Variants in STUM observed in about 807,000 individuals in gnomAD.
STUM encodes protein stum homolog.
A neutral mutation model predicts 15.3 loss-of-function variants in STUM; 8 were observed. That is an observed-to-expected ratio of 0.52 (90% CI 0.31 to 0.94). The LOEUF is 0.94. Among genes scored for constraint, STUM ranks in the 40% least tolerant of loss-of-function variants. The pLI, the probability that STUM is intolerant of heterozygous loss-of-function variation, is 0.05. For missense variants in STUM, 142 were observed against 204.9 expected (o/e 0.69, Z 1.87); for synonymous variants, 78 against 88.7 (o/e 0.88, Z 0.68).
Position 226,587,718 on chromosome 1 carries a change from T to C in STUM, c.203-9084T>C, listed in dbSNP as rs115645818. Among the ~76,000 whole-genome samples the C allele has an allele frequency of 9.6e-3, 1,464 of 152,242 alleles. 24 individuals are homozygous for C. The highest frequency in any genetic ancestry group is 0.033 in the African/African-American group (1,351 of 41,522). ...AAGGGAGAAGTGGTTCAAGATGCCATACACCTTCTCTCTGCTGGGAGACAG... is the reference window on the plus strand; with the variant it reads ...AAGGGAGAAGTGGTTCAAGATGCCACACACCTTCTCTCTGCTGGGAGACAG... On this transcript the variant is annotated intron_variant, in intron 1 of 3. Coordinates refer to ENST00000366788, the MANE Select transcript of STUM (RefSeq NM_001003665.4).
At chr1:226,566,799 A>G (rs1200510322) in intron 1 of STUM, among the ~76,000 whole-genome samples, 1 of 152,178 alleles carries the variant, frequency 6.6e-6, no homozygotes, top group Non-Finnish European at 1.5e-5. Context: ...GAAGGAACAG[A>G]TTTTAGATTT....
chr1:226,562,165 G>A (rs1667551308), intron 1 of STUM, among the ~76,000 whole-genome samples: 2 of 152,132 alleles, frequency 1.3e-5, no homozygotes, highest in African/African-American at 2.4e-5. Context: ...GGTGAATTTT[G>A]TGATATGAAC....
At chr1:226,597,019 G>T (rs546995692) in intron 2 of STUM, 38 bp downstream of exon 2, 1 of 1,598,254 alleles carries the variant, frequency 6.3e-7, no homozygotes, top group African/African-American at 1.3e-5. Flanking sequence ...TGGGGGTGGG[G>T]AGTGGCCAGG....
intron 1 of STUM, among the ~76,000 whole-genome samples, chr1:226,554,951 C>T (rs1032086722): frequency 7.2e-5 from 11 of 152,136 alleles, no homozygotes; most frequent in Admixed American, 7.2e-4. Context: ...TTGTCAGGGT[C>T]GCCAGTCTCC....
intron 1 of STUM, among the ~76,000 whole-genome samples, chr1:226,559,236 A>C (rs2102687506): frequency 6.6e-6 from 1 of 152,336 alleles, no homozygotes; most frequent in South Asian, 2.1e-4. Flanking sequence ...CCTGAGGCCA[A>C]GAGCAATTTG....
At chr1:226,597,055 A>C in intron 2 of STUM, 74 bp downstream of exon 2, 2 of 1,417,130 alleles carry the variant, frequency 1.4e-6, no homozygotes, top group Non-Finnish European at 2.0e-6. Flanking sequence ...GGAGACCTTC[A>C]TGTCTGGCCG....
intron 1 of STUM, among the ~76,000 whole-genome samples, chr1:226,577,809 G>C (rs370049755): frequency 3.2e-4 from 42 of 130,438 alleles, no homozygotes; most frequent in African/African-American, 1.1e-3. Flanking sequence ...TTGTTCTGTG[G>C]GGGGGATGGT....
chr1:226,558,409 C>A (rs1042859820), intron 1 of STUM, among the ~76,000 whole-genome samples: 5 of 152,054 alleles, frequency 3.3e-5, no homozygotes, highest in Admixed American at 2.0e-4. Flanking sequence ...GCACTTCCAC[C>A]TTTTTTCAGT....
At position 226,607,791 on chromosome 1, in the gene STUM, A is replaced by G. The variant is rs2102720209; in HGVS notation, c.*5751A>G. ...TCTGCCTGAATTTGCCAAAATGCCAACCATCCGGGCAGGTGTGGATGCCAC... is the reference window on the plus strand; with the variant it reads ...TCTGCCTGAATTTGCCAAAATGCCAGCCATCCGGGCAGGTGTGGATGCCAC... On this transcript the variant is annotated 3_prime_UTR_variant, in exon 4 of 4. Coordinates refer to ENST00000366788, the MANE Select transcript of STUM (RefSeq NM_001003665.4). The G allele has an allele frequency of 6.6e-6, 1 of 152,332 alleles. No homozygotes were observed. Among genetic ancestry groups the G allele is most frequent in the East Asian group, 1.9e-4 (1 of 5,182 alleles). The allele number at this position is 152,332 out of a possible 1,614,324, so 9.4% of individuals were successfully genotyped here.
At chr1:226,575,162 C>T (rs749364713) in intron 1 of STUM, among the ~76,000 whole-genome samples, 1 of 152,172 alleles carries the variant, frequency 6.6e-6, no homozygotes, top group Non-Finnish European at 1.5e-5. Context: ...CTCAGGCAGT[C>T]GGGTACCAGG....
At position 226,552,618 on chromosome 1, in the gene STUM, T is replaced by A. The variant is rs1667390142; in HGVS notation, c.202+3512T>A. On this transcript the variant is annotated intron_variant, in intron 1 of 3. Transcript: ENST00000366788. The surrounding 1 kb of genome is among the most constrained non-coding windows in gnomAD (Gnocchi z 4.7). ...AAGGGAGGAGGACCTCCATTGACCT[T>A]TAACCACTCCATTGGACTCAGGACA... Among the ~76,000 whole-genome samples the A allele has an allele frequency of 6.6e-6, 1 of 152,192 alleles. No homozygotes were observed. Among genetic ancestry groups the A allele is most frequent in the Non-Finnish European group, 1.5e-5 (1 of 68,038 alleles).
chr1:226,582,873 G>C (rs974186642), intron 1 of STUM, among the ~76,000 whole-genome samples: 2 of 152,198 alleles, frequency 1.3e-5, no homozygotes, highest in Non-Finnish European at 2.9e-5. Context: ...GGCTGTCTCA[G>C]TTAGCTTTTG....
intron 2 of STUM, chr1:226,597,343 A>G (rs1668199046): frequency 2.1e-6 from 1 of 486,796 alleles, no homozygotes; most frequent in East Asian, 6.5e-5. Flanking sequence ...CTTAAAACAG[A>G]CACCACCCAT....
rs1193048865 is a variant in STUM at position 226,565,100 on chromosome 1, A to G, written c.202+15994A>G. On this transcript the variant is annotated intron_variant, in intron 1 of 3. Transcript: ENST00000366788. The surrounding 1 kb of genome is among the most constrained non-coding windows in gnomAD (Gnocchi z 4.4). ...GGCACTGGTAGGCATGGAGGAAAGG[A>G]GGGAGAGTTTGGGGTATTGGTTTCC... Among the ~76,000 whole-genome samples the G allele has an allele frequency of 6.6e-6, 1 of 152,166 alleles. No individual in the cohort carries two copies. The highest frequency in any genetic ancestry group is 6.5e-5 in the Admixed American group (1 of 15,276).
chr1:226,557,875 G>C (rs940079533), intron 1 of STUM, among the ~76,000 whole-genome samples: 6 of 152,038 alleles, frequency 3.9e-5, no homozygotes, highest in Admixed American at 6.5e-5. Context: ...ACAGAATAAA[G>C]GACAAAAACC....
At chr1:226,562,500 T>C (rs1571796121) in intron 1 of STUM, among the ~76,000 whole-genome samples, 1 of 144,740 alleles carries the variant, frequency 6.9e-6, no homozygotes, top group African/African-American at 2.6e-5. Flanking sequence ...GAAAAGAAAA[T>C]TGTATCTCAA....
intron 2 of STUM, among the ~76,000 whole-genome samples, chr1:226,597,749 G>A (rs1038433501): frequency 2.0e-4 from 31 of 152,278 alleles, no homozygotes; most frequent in Non-Finnish European, 4.1e-4. Context: ...GATGCAGGTA[G>A]ATGCAGAGCC....
chr1:226,550,520 A>G (rs887196199), intron 1 of STUM, among the ~76,000 whole-genome samples: 1 of 151,716 alleles, frequency 6.6e-6, no homozygotes, highest in Non-Finnish European at 1.5e-5. Context: ...CACCTGCTGG[A>G]GTAAAAAGAG....
chr1:226,593,399 C>T (rs889225252), intron 1 of STUM, among the ~76,000 whole-genome samples: 9 of 152,102 alleles, frequency 5.9e-5, no homozygotes, highest in Non-Finnish European at 8.8e-5. Context: ...CACCACCCTG[C>T]CCCCTGCACC....
Sources: allele counts gnomAD v4.1 joint callset (sites outside exome capture counted in the v4.1 genomes callset), GRCh38; gene constraint gnomAD v4.1.1; non-coding constraint Gnocchi (gnomAD v3.1); transcripts MANE v1.5; gene names NCBI Gene and HGNC (gene_info 2026-07-23, HGNC 2026-07-21).